The following CYP2J2 variants were observed in gnomAD, a reference collection of about 807,000 sequenced individuals.
The protein encoded by CYP2J2 is cytochrome P450 2J2.
Under a neutral mutation model 48.8 loss-of-function variants are expected in CYP2J2, and 41 were observed. That is an observed-to-expected ratio of 0.84 (90% CI 0.66 to 1.09). The LOEUF (loss-of-function observed/expected upper bound fraction) is 1.09. CYP2J2 is among the 50% of genes least tolerant of loss of function. The pLI, the probability that CYP2J2 is intolerant of heterozygous loss-of-function variation, is 0.00. For synonymous variants in CYP2J2, 221 were observed against 227.1 expected (o/e 0.97, Z 0.24); for missense variants, 644 against 617.3 (o/e 1.04, Z -0.46).
chr1:59,900,294 C>G (rs921344750), intron 8 of CYP2J2, among the ~76,000 whole-genome samples: 1 of 152,134 alleles, frequency 6.6e-6, no homozygotes, highest in Non-Finnish European at 1.5e-5. Flanking sequence ...GAGTGGGCAG[C>G]CCTTAAAAAG....
At chr1:59,950,810 G>T in the CYP2J2 span, among the ~76,000 whole-genome samples, 2 of 152,104 alleles carry the variant, frequency 1.3e-5, no homozygotes, top group African/African-American at 4.8e-5. Context: ...CTGTCTGCTG[G>T]GCACCTCAAT....
chr1:59,954,779 C>A, the CYP2J2 span, among the ~76,000 whole-genome samples: 2 of 152,012 alleles, frequency 1.3e-5, no homozygotes, highest in Non-Finnish European at 2.9e-5. Flanking sequence ...TGCAGGAAGG[C>A]ATGAAGAAAT....
the CYP2J2 span, among the ~76,000 whole-genome samples, chr1:59,943,991 T>A: frequency 6.6e-6 from 1 of 152,240 alleles, no homozygotes; most frequent in African/African-American, 2.4e-5. Flanking sequence ...TATACATATA[T>A]GCATTTGTAT....
At chr1:59,927,333 C>T (rs10889162), upstream of CYP2J2, among the ~76,000 whole-genome samples, 20,716 of 152,086 alleles carry the variant, frequency 0.14, 2,074 homozygotes, top group African/African-American at 0.29. Flanking sequence ...TGAGCAGCAG[C>T]CATAATAAGT....
At chr1:59,953,198 A>C in the CYP2J2 span, among the ~76,000 whole-genome samples, 1 of 152,118 alleles carries the variant, frequency 6.6e-6, no homozygotes, top group Admixed American at 6.5e-5. Context: ...GAAGTTCTCT[A>C]CTTGAATGCT....
the CYP2J2 span, among the ~76,000 whole-genome samples, chr1:59,957,027 C>A: frequency 6.6e-6 from 1 of 152,182 alleles, no homozygotes; most frequent in Non-Finnish European, 1.5e-5. Context: ...CCCCATCATG[C>A]CTGTTCCAGT....
In CYP2J2 at chr1:59,900,997, T is replaced by G. The variant is rs780670300; in HGVS notation, c.1298A>C (p.Lys433Thr). The change falls in exon 8 of 9, where the codon AAG (lysine) becomes ACG (threonine). Residue 433 changes from lysine to threonine, a missense_variant. Coordinates refer to ENST00000371204, the MANE Select transcript of CYP2J2 (RefSeq NM_000775.4). Reference protein sequence around the residue: ...PDHFLENGQFKKREAFMPFSI... With the variant: ...PDHFLENGQFTKREAFMPFSI... Reference sequence around the variant, plus strand: ...GAAAGGCATAAAGGCTTCCCTTTTCTTAAACTGTCCATTCTCCAGAAAATG... The same window carrying G: ...GAAAGGCATAAAGGCTTCCCTTTTCGTAAACTGTCCATTCTCCAGAAAATG... The G allele has an allele frequency of 6.2e-7, 1 of 1,614,180 alleles. No individual in the cohort carries two copies. Among genetic ancestry groups the G allele is most frequent in the East Asian group, 2.2e-5 (1 of 44,874 alleles).
At chr1:59,954,155 G>C in the CYP2J2 span, among the ~76,000 whole-genome samples, 1 of 152,120 alleles carries the variant, frequency 6.6e-6, no homozygotes, top group African/African-American at 2.4e-5. Context: ...TCCTCCATCA[G>C]CCTGGGTCTC....
the CYP2J2 span, among the ~76,000 whole-genome samples, chr1:59,955,281 T>TATATATATATCC: frequency 4.9e-5 from 5 of 102,716 alleles, no homozygotes; most frequent in South Asian, 2.5e-4. Flanking sequence ...TATATATCCA[T>TATATATATATCC]ATATATATAT....
Position 59,912,743 on chromosome 1 carries a change from T to G in CYP2J2, c.374-432A>C, listed in dbSNP as rs936275325. On this transcript the variant is annotated intron_variant, in intron 2 of 8. Coordinates refer to ENST00000371204, the MANE Select transcript of CYP2J2 (RefSeq NM_000775.4). ...TATTAGTTACATAAGTAAAGTTAAG[T>G]ATTTATGTTATGCTAAACACTAGGA... The G allele has an allele frequency of 7.2e-5, 12 of 166,122 alleles. No homozygotes were observed. In the East Asian group the frequency reaches 1.5e-3, roughly 21 times the overall value. The allele number at this position is 166,122 out of a possible 1,614,324, so 10.3% of individuals were successfully genotyped here.
At chr1:59,909,617 C>T (rs1005468582) in intron 5 of CYP2J2, among the ~76,000 whole-genome samples, 167 bp downstream of exon 5, 2 of 152,204 alleles carry the variant, frequency 1.3e-5, no homozygotes, top group Admixed American at 6.5e-5. Context: ...TTATCTGTAA[C>T]CCAGTGAAGC....
chr1:59,963,196 T>A, the CYP2J2 span, among the ~76,000 whole-genome samples: 4 of 152,200 alleles, frequency 2.6e-5, no homozygotes, highest in African/African-American at 9.7e-5. Context: ...TGGGAAAATA[T>A]ATACATGAAA....
chr1:59,902,660 C>T (rs1370646167), intron 7 of CYP2J2, among the ~76,000 whole-genome samples: 3 of 152,138 alleles, frequency 2.0e-5, no homozygotes, highest in Non-Finnish European at 4.4e-5. Context: ...GGTGATCCAC[C>T]CGCCTCAGCC....
intron 6 of CYP2J2, 68 bp from the exon 7 acceptor site, chr1:59,905,126 G>C (rs1321202513): frequency 1.4e-6 from 2 of 1,463,206 alleles, no homozygotes; most frequent in Non-Finnish European, 1.9e-6. Flanking sequence ...GGTATGAGTG[G>C]TCTCCAAGAT....
the CYP2J2 span, among the ~76,000 whole-genome samples, chr1:59,966,467 G>A: frequency 3.9e-5 from 6 of 152,096 alleles, no homozygotes; most frequent in African/African-American, 7.2e-5. Context: ...TGAAAGTCAC[G>A]TAGATTACAC....
At chr1:59,924,780 TAATAA>T (rs1644550385) in intron 1 of CYP2J2, among the ~76,000 whole-genome samples, 2 of 151,624 alleles carry the variant, frequency 1.3e-5, no homozygotes, top group South Asian at 4.2e-4. Flanking sequence ...ACAAAATAAA[TAATAA>T]AATGGTAGAC....
intron 6 of CYP2J2, 47 bp downstream of exon 6, chr1:59,907,739 G>A: frequency 6.2e-7 from 1 of 1,606,252 alleles, no homozygotes; most frequent in Non-Finnish European, 8.5e-7. Flanking sequence ...CACATCCCAG[G>A]AGGCACTATT....
At chr1:59,936,424 C>T in the CYP2J2 span, among the ~76,000 whole-genome samples, 1 of 152,150 alleles carries the variant, frequency 6.6e-6, no homozygotes, top group Non-Finnish European at 1.5e-5. Flanking sequence ...TCATGCCACA[C>T]TTGCTCTTCC....
the CYP2J2 span, among the ~76,000 whole-genome samples, chr1:59,938,736 G>A: frequency 6.6e-6 from 1 of 152,090 alleles, no homozygotes; most frequent in East Asian, 1.9e-4. Context: ...GACCATTCAC[G>A]GGTGTCAGGC....
Sources: allele counts gnomAD v4.1 joint callset (sites outside exome capture counted in the v4.1 genomes callset), GRCh38; gene constraint gnomAD v4.1.1; transcripts MANE v1.5; gene names NCBI Gene and HGNC (gene_info 2026-07-23, HGNC 2026-07-21).